Variants in PRSS55 observed in about 807,000 individuals in gnomAD.
The protein encoded by PRSS55 is probable serine protease UNQ9391/PRO34284.
In PRSS55, 41 loss-of-function variants were observed where a neutral mutation model predicts 23.6. The ratio of observed to expected loss-of-function variants is 1.74; its 90% CI spans 1.35 to 2.26. The LOEUF is 2.26. PRSS55 is among the 30% of genes most tolerant of loss of function. The pLI is 0.00. For synonymous variants in PRSS55, 262 were observed against 175.5 expected (o/e 1.49, Z -3.90); for missense variants, 669 against 439.1 (o/e 1.52, Z -4.68).
rs76583451 is a variant in PRSS55, at chr8:10,548,673, G to A, written c.742-5270G>A. The stretch of plus-strand genomic sequence containing the variant: ...GCGGAAGCAGACGAGGAGCTGTTGG[G>A]ACAGAAGCCCAGGCACAAGGTGGGA... On this transcript the variant is annotated intron_variant, in intron 4 of 4. Transcript: ENST00000522210. Among the ~76,000 whole-genome samples, 705 of 152,298 alleles carry A rather than the reference G, an allele frequency of 4.6e-3. 3 individuals carry two copies. Among genetic ancestry groups the A allele is most frequent in the African/African-American group, 0.016 (670 of 41,552 alleles).
intron 4 of PRSS55, among the ~76,000 whole-genome samples, chr8:10,537,686 C>G (rs1436681148): frequency 6.6e-6 from 1 of 152,114 alleles, no homozygotes; most frequent in Non-Finnish European, 1.5e-5. Flanking sequence ...CATTGTATGC[C>G]TATATCAAAA....
intron 4 of PRSS55, among the ~76,000 whole-genome samples, chr8:10,551,622 A>C (rs1210251078): frequency 6.6e-6 from 1 of 152,240 alleles, no homozygotes; most frequent in East Asian, 1.9e-4. Context: ...TTCACCTCCT[A>C]ACCCTGGCAA....
chr8:10,532,326 G>T (rs28577240), intron 3 of PRSS55, among the ~76,000 whole-genome samples: 13,497 of 152,166 alleles, frequency 0.089, 786 homozygotes, highest in African/African-American at 0.16. Context: ...TCTTCAATCA[G>T]GGGAAGAAAT....
downstream of PRSS55, among the ~76,000 whole-genome samples, chr8:10,542,050 G>T (rs7009460): frequency 0.55 from 84,326 of 152,058 alleles, 23,423 homozygotes; most frequent in Middle Eastern, 0.61. Context: ...GTGCTGTGAT[G>T]ACAGGCATTA....
intron 1 of PRSS55, among the ~76,000 whole-genome samples, chr8:10,528,931 C>T (rs1414038448): frequency 2.0e-5 from 3 of 152,184 alleles, no homozygotes; most frequent in Non-Finnish European, 4.4e-5. Flanking sequence ...CTTTCCTCTG[C>T]AGTCACTTCT....
chr8:10,545,624 A>C (rs1044246221), intron 4 of PRSS55, among the ~76,000 whole-genome samples: 1 of 152,214 alleles, frequency 6.6e-6, no homozygotes, highest in Non-Finnish European at 1.5e-5. Flanking sequence ...CCTGGCTACC[A>C]AGCCCAGGCT....
intron 4 of PRSS55, among the ~76,000 whole-genome samples, chr8:10,551,640 C>T (rs999415971): frequency 1.3e-5 from 2 of 152,336 alleles, no homozygotes; most frequent in East Asian, 1.9e-4. Flanking sequence ...CAACGCTGAC[C>T]GATGTGCCAA....
At chr8:10,541,376 T>A (rs915625140), downstream of PRSS55, 1 of 152,226 alleles carries the variant, frequency 6.6e-6, no homozygotes, top group African/African-American at 2.4e-5. Context: ...ACAAAAATGA[T>A]TGGCCTCCCC....
intron 4 of PRSS55, among the ~76,000 whole-genome samples, chr8:10,537,471 G>T (rs144229704): frequency 1.4e-4 from 21 of 152,314 alleles, no homozygotes; most frequent in Non-Finnish European, 2.5e-4. Context: ...AGGAAAGCAG[G>T]TGGGGACTCC....
rs752161008 is a variant in PRSS55, at chr8:10,533,021, C to T, written c.714C>T (p.Tyr238=). The stretch of plus-strand genomic sequence containing the variant: ...CCAAAAATATGCTGTGTGCCGGATA[C>T]AAGAATGAGAGCTATGATGCCTGCA... The part of the protein sequence containing the change: ...KLTKNMLCAG[Y]KNESYDACKG... Residue 238 remains tyrosine, a synonymous_variant, in exon 4 of 5, where the codon TAC becomes TAT. Coordinates refer to ENST00000328655, the MANE Select transcript of PRSS55 (RefSeq NM_198464.4). The T allele has an allele frequency of 9.9e-6, 16 of 1,614,060 alleles. No homozygotes were observed. The East Asian group carries it at 2.7e-4, about 27-fold the overall frequency.
chr8:10,545,474 AG>A (rs999594926), intron 4 of PRSS55, among the ~76,000 whole-genome samples: 1 of 152,202 alleles, frequency 6.6e-6, no homozygotes, highest in African/African-American at 2.4e-5. Context: ...AAGGTTTCTA[AG>A]CATTTACTCT....
chr8:10,527,155 T>A (rs4255099), intron 1 of PRSS55, among the ~76,000 whole-genome samples: 133,855 of 152,348 alleles, frequency 0.88, 61,416 homozygotes, highest in East Asian at 1. Context: ...CACTCAATTT[T>A]ATGTCACAAA....
chr8:10,531,383 A>T lies in PRSS55; in HGVS notation c.436A>T (p.Lys146Ter). ...GGAGGTCGCCAGCATCATTCTTCAC[A>T]AAGACTTTAAGAGAGCCAACATGGA... ...IKEVASIILH[K>*]DFKRANMDND... Residue 146 changes from lysine (K) to a stop codon, truncating the protein, a stop_gained, in exon 3 of 5, where the codon AAA becomes TAA. Coordinates refer to ENST00000328655, the MANE Select transcript of PRSS55 (RefSeq NM_198464.4). LOFTEE classifies it high-confidence loss of function. 6.2e-7 allele frequency: 1 copy of T among 1,614,230 alleles called. No homozygotes were observed. The highest frequency in any genetic ancestry group is 8.5e-7 in the Non-Finnish European group (1 of 1,180,056).
chr8:10,548,601 G>C (rs1812877279), intron 4 of PRSS55, among the ~76,000 whole-genome samples: 7 of 152,006 alleles, frequency 4.6e-5, no homozygotes, highest in Admixed American at 2.6e-4. Flanking sequence ...CCAGGAATCT[G>C]GGCCAACACC....
intron 4 of PRSS55, among the ~76,000 whole-genome samples, chr8:10,534,998 T>A (rs903413005): frequency 1.8e-4 from 27 of 152,120 alleles, no homozygotes; most frequent in Admixed American, 1.4e-3. Context: ...TATCTAGGAA[T>A]ACAGACAATC....
chr8:10,538,566 G>C lies in PRSS55; in HGVS notation c.832G>C (p.Glu278Gln). 24 of 1,614,162 alleles carry C rather than the reference G, an allele frequency of 1.5e-5. No individual in the cohort carries two copies. Among genetic ancestry groups the C allele is most frequent in the Non-Finnish European group, 1.9e-5 (23 of 1,180,014 alleles). The change falls in exon 5 of 5, where the codon GAG becomes CAG. Residue 278 changes from glutamate (E) to glutamine (Q), a missense_variant. Physicochemically the swap from Glu to Gln is conservative, Grantham distance 29 (BLOSUM62 2). Transcript: ENST00000328655. ...GIISWGKSCG[E>Q]KNTPGIYTSL... is the part of the protein sequence containing the mutation. ...CATAAGCTGGGGAAAGAGCTGTGGA[G>C]AGAAGAACACCCCAGGGATATACAC...
At chr8:10,542,282 A>T (rs892775703), downstream of PRSS55, among the ~76,000 whole-genome samples, 1 of 152,178 alleles carries the variant, frequency 6.6e-6, no homozygotes. Flanking sequence ...ACACACAGAG[A>T]CATCTGTTGG....
At chr8:10,548,882 T>A (rs529180111) in intron 4 of PRSS55, among the ~76,000 whole-genome samples, 1 of 151,842 alleles carries the variant, frequency 6.6e-6, no homozygotes, top group Non-Finnish European at 1.5e-5. Context: ...GGAGACAGAC[T>A]AGGAATGGCC....
intron 2 of PRSS55, among the ~76,000 whole-genome samples, 180 bp from the exon 3 acceptor site, chr8:10,531,105 CTGTTTTGTTT>C (rs36228433): frequency 2.0e-5 from 3 of 150,496 alleles, no homozygotes; most frequent in African/African-American, 2.4e-5. Context: ...ACCAGCTATT[CTGTTTTGTTT>C]TGTTTTGTTT....
Sources: allele counts gnomAD v4.1 joint callset (sites outside exome capture counted in the v4.1 genomes callset), GRCh38; gene constraint gnomAD v4.1.1; transcripts MANE v1.5; gene names NCBI Gene and HGNC (gene_info 2026-07-23, HGNC 2026-07-21).